Variants in TENM4 observed in about 807,000 individuals in gnomAD.
TENM4 encodes teneurin transmembrane protein 4.
In TENM4, 82 loss-of-function variants were observed where a neutral mutation model predicts 243.3. The observed-to-expected ratio is 0.34, with a 90% CI of 0.28 to 0.40. TENM4 has a LOEUF of 0.40. Ranked by LOEUF, TENM4 falls within the 10% of genes least tolerant of loss-of-function variation. The pLI is 1.00. For synonymous variants in TENM4, 1,412 were observed against 1,456.3 expected (o/e 0.97, Z 0.69); for missense variants, 3,138 against 3,673.3 (o/e 0.85, Z 3.77).
chr11:79,330,170 G>A (rs1181524658), intron 1 of TENM4, among the ~76,000 whole-genome samples: 1 of 152,214 alleles, frequency 6.6e-6, no homozygotes, highest in African/African-American at 2.4e-5. Context: ...AAGCAGAACT[G>A]GGAAGAATGG....
rs953890233 is a variant in TENM4, at chr11:78,812,200, C to T, written c.1900G>A (p.Ala634Thr). ...DVPTNQCIDV[A>T]CSNHGTCITG... Reference sequence around the variant, plus strand: ...ATGCAGGTGCCATGGTTGCTGCAGGCCACATCGATACACTGGTTGGTGGGC... The same window carrying T: ...ATGCAGGTGCCATGGTTGCTGCAGGTCACATCGATACACTGGTTGGTGGGC... Residue 634 changes from alanine to threonine, a missense_variant, in exon 14 of 34, where the codon GCC (alanine) becomes ACC (threonine). Around this residue, in one of 2 missense-constraint regions of TENM4, gnomAD observed 2,467 missense variants for 3,059.1 expected, o/e 0.81. Transcript: ENST00000278550. 1 of 1,551,860 alleles carries T rather than the reference C, an allele frequency of 6.4e-7. No individual in the cohort carries two copies.
At chr11:79,047,050 G>T (rs1859676126) in intron 6 of TENM4, among the ~76,000 whole-genome samples, 1 of 152,164 alleles carries the variant, frequency 6.6e-6, no homozygotes. Context: ...ATAAACCATG[G>T]CTTTGCCAAG....
chr11:78,852,532 A>G (rs1233404438), intron 12 of TENM4, among the ~76,000 whole-genome samples: 1 of 151,800 alleles, frequency 6.6e-6, no homozygotes, highest in African/African-American at 2.4e-5. Flanking sequence ...AACATACAAA[A>G]ATTAGCTGGG....
chr11:78,674,153 G>A (rs781254614), intron 30 of TENM4, among the ~76,000 whole-genome samples: 1 of 152,132 alleles, frequency 6.6e-6, no homozygotes, highest in Non-Finnish European at 1.5e-5. Flanking sequence ...TACCTTTTTG[G>A]CAAAATTAAT....
At chr11:79,409,102 G>A (rs1858638891) in intron 1 of TENM4, among the ~76,000 whole-genome samples, 1 of 51,272 alleles carries the variant, frequency 2.0e-5, no homozygotes, top group East Asian at 5.0e-4. Flanking sequence ...GTGTGTGTGT[G>A]CGCGCGCGCG....
At chr11:79,297,963 A>C (rs2135393045) in intron 1 of TENM4, among the ~76,000 whole-genome samples, 1 of 150,922 alleles carries the variant, frequency 6.6e-6, no homozygotes, top group South Asian at 2.1e-4. Context: ...CATAGAGTTT[A>C]CCATTTTTCA....
At chr11:79,061,142 C>T (rs750573623) in intron 6 of TENM4, among the ~76,000 whole-genome samples, 11 of 152,256 alleles carry the variant, frequency 7.2e-5, no homozygotes, top group Admixed American at 1.3e-4. Flanking sequence ...CAGTTTCCTC[C>T]GCTATAAGTT....
At chr11:78,736,189 T>G (rs529023938) in intron 20 of TENM4, among the ~76,000 whole-genome samples, 2 of 152,120 alleles carry the variant, frequency 1.3e-5, no homozygotes, top group South Asian at 4.1e-4. Flanking sequence ...ACGCCCAGGC[T>G]GGTCTTGAAC....
chr11:79,290,755 T>C (rs991707826), intron 2 of TENM4, among the ~76,000 whole-genome samples: 4 of 152,216 alleles, frequency 2.6e-5, no homozygotes, highest in African/African-American at 9.6e-5. Flanking sequence ...AAACTCATTA[T>C]TGAGAAAGTG....
chr11:79,423,000 C>A (rs1285014642), intron 1 of TENM4, among the ~76,000 whole-genome samples: 1 of 152,172 alleles, frequency 6.6e-6, no homozygotes, highest in Non-Finnish European at 1.5e-5. Flanking sequence ...CTAAAGTAGA[C>A]CAACTGGTGA....
intron 1 of TENM4, among the ~76,000 whole-genome samples, chr11:79,405,646 T>C (rs895482295): frequency 1.3e-5 from 2 of 152,002 alleles, no homozygotes; most frequent in African/African-American, 2.4e-5. Context: ...CACCTTCCAT[T>C]GTACCATAAA....
chr11:79,033,880 T>C (rs775578843), intron 6 of TENM4, among the ~76,000 whole-genome samples: 14 of 152,248 alleles, frequency 9.2e-5, no homozygotes, highest in Non-Finnish European at 1.8e-4. Flanking sequence ...AAGCACTTAA[T>C]GAACTGACTT....
Position 78,805,282 on chromosome 11 carries a change from C to CCCCCCCCCCACCCCCCCCCCCCTTTT in TENM4, c.2179+9_2179+10insAAAAGGGGGGGGGGGGTGGGGGGGGG. On this transcript the variant is annotated intron_variant, in intron 15 of 33. Coordinates refer to ENST00000278550, the MANE Select transcript of TENM4 (RefSeq NM_001098816.3). ...CCCTCTACCCATGCTTCTTCTCCCC[C>CCCCCCCCCCACCCCCCCCCCCCTTTT]TGCATTTACCGATAGAACAGTCGTG... is the stretch of plus-strand genomic sequence containing the variant. The CCCCCCCCCCACCCCCCCCCCCCTTTT allele has an allele frequency of 1.0e-6, 1 of 995,566 alleles. No homozygotes were observed. Among genetic ancestry groups the CCCCCCCCCCACCCCCCCCCCCCTTTT allele is most frequent in the Non-Finnish European group, 1.2e-6 (1 of 823,788 alleles). The allele number at this position is 995,566 out of a possible 1,614,324, so 61.7% of individuals were successfully genotyped here.
chr11:79,355,303 C>G (rs1857477435), intron 1 of TENM4, among the ~76,000 whole-genome samples: 1 of 152,192 alleles, frequency 6.6e-6, no homozygotes, highest in Non-Finnish European at 1.5e-5. Context: ...GAGGCCGAGG[C>G]AGACAGATCA....
chr11:79,380,010 G>A (rs1395643119), intron 1 of TENM4, among the ~76,000 whole-genome samples: 2 of 152,052 alleles, frequency 1.3e-5, no homozygotes, highest in Non-Finnish European at 2.9e-5. Context: ...CTGTCTCCAC[G>A]GGGCAGTCAA....
chr11:78,688,881 G>A (rs1237131474), intron 28 of TENM4, among the ~76,000 whole-genome samples: 2 of 152,078 alleles, frequency 1.3e-5, no homozygotes, highest in Non-Finnish European at 2.9e-5. Flanking sequence ...CTTTGCTCAG[G>A]TATGGTCTTT....
intron 33 of TENM4, among the ~76,000 whole-genome samples, chr11:78,659,316 T>A (rs999461086): frequency 2.0e-5 from 3 of 152,172 alleles, no homozygotes; most frequent in Non-Finnish European, 4.4e-5. Flanking sequence ...TTATTCCAAT[T>A]TCATGTCTAA....
chr11:79,078,479 T>C (rs562625764), intron 4 of TENM4, among the ~76,000 whole-genome samples: 7 of 152,286 alleles, frequency 4.6e-5, no homozygotes, highest in African/African-American at 1.7e-4. Context: ...CCTGTTCTTG[T>C]ACCAAGTATT....
rs562562473 is a variant in TENM4, at chr11:79,154,067, C to T, written c.-162-5261G>A. Among the ~76,000 whole-genome samples, 5 of 152,146 alleles carry T rather than the reference C, an allele frequency of 3.3e-5. No individual in the cohort carries two copies. In the East Asian group the frequency reaches 9.7e-4, roughly 29 times the overall value. On this transcript the variant is annotated intron_variant, in intron 3 of 33. Coordinates refer to ENST00000278550, the MANE Select transcript of TENM4 (RefSeq NM_001098816.3). ...TATGTCACCCCTTGTTCAAGCTCCT[C>T]AAGAGCTTCCTCTTGCTGCTTGTGC...
Sources: gnomAD v4.1 joint callset for allele counts (sites outside exome capture counted in the v4.1 genomes callset) on GRCh38, gnomAD v4.1.1 for gene constraint, gnomAD v4.1.1 regional missense constraint, MANE v1.5 for transcripts, NCBI Gene and HGNC (gene_info 2026-07-23, HGNC 2026-07-21) for gene names.